Variants in TENM1 observed in about 807,000 individuals in gnomAD.
TENM1 encodes the protein teneurin transmembrane protein 1, also known as teneurin-1.
In TENM1, 35 loss-of-function variants were observed where a neutral mutation model predicts 174.8. The ratio of observed to expected loss-of-function variants is 0.20; its 90% confidence interval spans 0.15 to 0.27. The LOEUF is 0.27. Ranked by LOEUF, TENM1 falls within the 10% of genes least tolerant of loss-of-function variation. The probability of loss-of-function intolerance (pLI) is 1.00; values close to 1 mark genes in which losing one functional copy is unlikely to be tolerated. For synonymous variants in TENM1, 781 were observed against 798.7 expected, an observed-to-expected ratio of 0.98 and a Z score of 0.37; for missense variants, 1,633 against 2,130.1, an observed-to-expected ratio of 0.77 and a Z score of 4.59.
intron 3 of TENM1, among the ~76,000 whole-genome samples, chrX:124,875,516 G>A (rs1444972839): frequency 9.2e-6 from 1 of 108,318 alleles, no homozygotes; most frequent in African/African-American, 3.4e-5. Context: ...GTGGACAGTT[G>A]CTACTTCATA....
At chrX:124,392,789 T>G (rs1257366726) in intron 27 of TENM1, among the ~76,000 whole-genome samples, 1 of 112,058 alleles carries the variant, frequency 8.9e-6, no homozygotes, top group African/African-American at 3.2e-5. Context: ...GTGAGCCCCC[T>G]CTAACTTATA....
chrX:124,824,440 T>A (rs1412482250), intron 3 of TENM1, among the ~76,000 whole-genome samples: 1 of 111,745 alleles, frequency 8.9e-6, no homozygotes, highest in Non-Finnish European at 1.9e-5. Context: ...ACACTAAGTG[T>A]GGTTAGTAGC....
chrX:125,145,236 G>T, the TENM1 span, among the ~76,000 whole-genome samples: 1 of 111,657 alleles, frequency 9.0e-6, no homozygotes. Flanking sequence ...GCTCCCCTAT[G>T]GAGTTCATAT....
At chrX:124,407,753 C>A (rs1414333627) in intron 25 of TENM1, among the ~76,000 whole-genome samples, 1 of 112,600 alleles carries the variant, frequency 8.9e-6, no homozygotes, top group African/African-American at 3.2e-5. Context: ...TGCACACACA[C>A]ATATATATTA....
intron 3 of TENM1, among the ~76,000 whole-genome samples, chrX:124,765,951 T>C (rs1180295182): frequency 2.7e-5 from 3 of 111,982 alleles, no homozygotes; most frequent in Non-Finnish European, 5.6e-5. Context: ...TAACAGTGAA[T>C]TTGAAGGATT....
chrX:124,382,938 C>CTATTTATTTATT (rs3028397), intron 30 of TENM1, 126 bp from the exon 34 acceptor site: 4,708 of 139,866 alleles, frequency 0.034, 109 homozygotes, highest in East Asian at 0.042. Context: ...AATAAAACTC[C>CTATTTATTTATT]TATTTATTTA....
the TENM1 span, among the ~76,000 whole-genome samples, chrX:125,107,503 TGG>T: frequency 1.8e-5 from 2 of 111,911 alleles, no homozygotes; most frequent in Admixed American, 9.5e-5. Flanking sequence ...AACCTCTGAG[TGG>T]TAGGCACCTT....
At chrX:124,855,118 G>C (rs1188958351) in intron 3 of TENM1, among the ~76,000 whole-genome samples, 2 of 110,941 alleles carry the variant, frequency 1.8e-5, no homozygotes, top group Non-Finnish European at 3.8e-5. Context: ...AAAGTTATTA[G>C]TGCCCGTGAA....
the TENM1 span, among the ~76,000 whole-genome samples, chrX:124,992,036 T>C: frequency 9.0e-6 from 1 of 111,129 alleles, no homozygotes; most frequent in Non-Finnish European, 1.9e-5. Context: ...GGAAGGGAAA[T>C]CAGGCTCCAA....
chrX:125,198,520 T>C, the TENM1 span, among the ~76,000 whole-genome samples: 1 of 111,839 alleles, frequency 8.9e-6, no homozygotes, highest in East Asian at 2.8e-4. Flanking sequence ...TCTCTTTCTG[T>C]GATTATTTTT....
intron 23 of TENM1, among the ~76,000 whole-genome samples, chrX:124,452,825 T>C (rs753529463): frequency 2.3e-5 from 2 of 86,911 alleles, no homozygotes; most frequent in African/African-American, 4.5e-5. Flanking sequence ...ATGAGAACAC[T>C]TGGACACAGG....
chrX:125,092,840 T>C, the TENM1 span, among the ~76,000 whole-genome samples: 1 of 112,414 alleles, frequency 8.9e-6, no homozygotes. Flanking sequence ...CCAGTAGGCT[T>C]TTCTCCACAA....
At chrX:124,473,351 G>A (rs1414392015) in intron 22 of TENM1, among the ~76,000 whole-genome samples, 1 of 111,650 alleles carries the variant, frequency 9.0e-6, no homozygotes, top group African/African-American at 3.3e-5. Flanking sequence ...CTATTAGTGT[G>A]TGATCTCTGT....
chrX:124,788,004 C>T (rs1176007867), intron 3 of TENM1, among the ~76,000 whole-genome samples: 1 of 111,501 alleles, frequency 9.0e-6, no homozygotes, highest in African/African-American at 3.3e-5. Context: ...TGGATGGCAG[C>T]AGGCAAAAAG....
At chrX:124,957,706 C>T (rs758762052) in intron 1 of TENM1, among the ~76,000 whole-genome samples, 81 of 110,226 alleles carry the variant, frequency 7.3e-4, no homozygotes, top group African/African-American at 2.5e-3. Flanking sequence ...AAATGCTATT[C>T]GGAGAAAAAG....
chrX:124,942,445 C>T (rs892833661), intron 1 of TENM1, among the ~76,000 whole-genome samples: 1 of 111,780 alleles, frequency 8.9e-6, no homozygotes, highest in Non-Finnish European at 1.9e-5. Context: ...GCTTTCCCCC[C>T]CGCCCCGCAG....
At chrX:124,535,280 C>A (rs1273591388) in intron 15 of TENM1, among the ~76,000 whole-genome samples, 1 of 111,631 alleles carries the variant, frequency 9.0e-6, no homozygotes, top group Non-Finnish European at 1.9e-5. Flanking sequence ...ATAACATACT[C>A]AGCCAATTAA....
chrX:124,397,957 G>A (rs1250922676), intron 27 of TENM1, among the ~76,000 whole-genome samples: 1 of 108,721 alleles, frequency 9.2e-6, no homozygotes, highest in Non-Finnish European at 1.9e-5. Flanking sequence ...GGCTGGGCGC[G>A]GTGGCTCACG....
intron 6 of TENM1, among the ~76,000 whole-genome samples, chrX:124,664,675 GT>G (rs2148420859): frequency 1.1e-5 from 1 of 88,034 alleles, no homozygotes; most frequent in Non-Finnish European, 2.2e-5. Flanking sequence ...AAGAGTACTT[GT>G]GGGGTGTGTG....
Sources: gnomAD v4.1 joint callset for allele counts (sites outside exome capture counted in the v4.1 genomes callset) on GRCh38, gnomAD v4.1.1 for gene constraint, MANE v1.5 for transcripts, NCBI Gene and HGNC (gene_info 2026-07-23, HGNC 2026-07-21) for gene names.